The following ZNF407 variants were observed in gnomAD, a reference collection of about 807,000 sequenced individuals.
ZNF407 encodes the protein zinc finger protein 407.
ZNF407 carries 17 observed loss-of-function variants against 131.2 expected under a neutral mutation model. The observed-to-expected ratio is 0.13, with a 90% CI of 0.09 to 0.19. The LOEUF (loss-of-function observed/expected upper bound fraction) is 0.19, where lower values mean the gene tolerates loss of function less well. Ranked by LOEUF, ZNF407 falls within the 10% of genes least tolerant of loss-of-function variation. The probability of loss-of-function intolerance (pLI) is 1.00; values close to 1 mark genes in which losing one functional copy is unlikely to be tolerated. For missense variants in ZNF407, 2,681 were observed against 2,830.6 expected (o/e 0.95, Z 1.20); for synonymous variants, 1,156 against 1,062.0 (o/e 1.09, Z -1.72).
Position 74,920,706 on chromosome 18 carries a change from A to G in ZNF407, c.5428+14A>G, listed in dbSNP as rs1310753170. The G allele has an allele frequency of 6.3e-7, 1 of 1,583,532 alleles. No individual in the cohort carries two copies. Among genetic ancestry groups the G allele is most frequent in the East Asian group, 2.3e-5 (1 of 44,062 alleles). On this transcript the variant is annotated intron_variant, in intron 8 of 8. Coordinates refer to ENST00000299687, the MANE Select transcript of ZNF407 (RefSeq NM_017757.3). ...ACCTGCATGCTGGTAAGGGACAGAA[A>G]CTGTGAAAACTTGTTTCTAACAGGA...
chr18:74,957,402 G>A lies in ZNF407; in HGVS notation c.5428+36710G>A, dbSNP rs1034168819. On this transcript the variant is annotated intron_variant, in intron 8 of 8. Transcript: ENST00000299687. ...GCATTTTTTAATTACGTTAACTTAC[G>A]GGGTTTTTTGGAATAATTCACTCTC... Among the ~76,000 whole-genome samples the A allele has an allele frequency of 2.6e-4, 40 of 151,968 alleles. 1 individual carries two copies. The highest frequency in any genetic ancestry group is 8.9e-4 in the African/African-American group (37 of 41,462).
intron 1 of ZNF407, among the ~76,000 whole-genome samples, chr18:74,623,047 T>C (rs1983608053): frequency 6.6e-6 from 1 of 151,252 alleles, no homozygotes; most frequent in African/African-American, 2.4e-5. Context: ...TGTGTGTGAA[T>C]GAGTGCATGT....
intron 7 of ZNF407, among the ~76,000 whole-genome samples, chr18:74,895,620 A>G (rs573605535): frequency 2.0e-5 from 3 of 152,308 alleles, no homozygotes; most frequent in East Asian, 1.9e-4. Flanking sequence ...TTAAACATAT[A>G]TTTATCTAAA....
intron 4 of ZNF407, among the ~76,000 whole-genome samples, chr18:74,815,675 C>G (rs538733155): frequency 6.6e-6 from 1 of 152,260 alleles, no homozygotes; most frequent in East Asian, 1.9e-4. Flanking sequence ...GCTTCAGTAA[C>G]TTGCCTGAGT....
At chr18:74,959,647 A>T (rs1008184284) in intron 8 of ZNF407, among the ~76,000 whole-genome samples, 15 of 152,188 alleles carry the variant, frequency 9.9e-5, no homozygotes, top group African/African-American at 3.6e-4. Flanking sequence ...TGCCTTTGTT[A>T]TCCTTCCAGG....
chr18:74,731,203 A>G (rs1227176999), intron 3 of ZNF407, among the ~76,000 whole-genome samples: 3 of 152,218 alleles, frequency 2.0e-5, no homozygotes, highest in Non-Finnish European at 4.4e-5. Context: ...GAGTCAGTGT[A>G]AGTGGAACTG....
chr18:74,732,973 G>A (rs1409713231), intron 3 of ZNF407, among the ~76,000 whole-genome samples: 1 of 152,022 alleles, frequency 6.6e-6, no homozygotes, highest in Admixed American at 6.6e-5. Context: ...TCTAAACATT[G>A]AAGCAGTCTA....
chr18:74,819,517 C>G (rs1220696622), intron 4 of ZNF407, among the ~76,000 whole-genome samples: 3 of 152,162 alleles, frequency 2.0e-5, no homozygotes, highest in Non-Finnish European at 4.4e-5. Context: ...TTCTAATGGG[C>G]TTTCCTGGGC....
intron 3 of ZNF407, among the ~76,000 whole-genome samples, chr18:74,757,950 G>A (rs781670492): frequency 6.6e-6 from 1 of 152,096 alleles, no homozygotes; most frequent in Non-Finnish European, 1.5e-5. Context: ...TATAGCCGCT[G>A]CGGCTTTCTT....
intron 4 of ZNF407, among the ~76,000 whole-genome samples, chr18:74,838,195 A>G (rs891261207): frequency 1.3e-5 from 2 of 152,044 alleles, no homozygotes; most frequent in Middle Eastern, 3.2e-3. Context: ...TTCCATTTCT[A>G]TGCTTTTCCA....
intron 1 of ZNF407, among the ~76,000 whole-genome samples, chr18:74,606,679 G>A (rs1982823812): frequency 6.6e-6 from 1 of 152,152 alleles, no homozygotes; most frequent in Admixed American, 6.5e-5. Flanking sequence ...GCACACCTGA[G>A]GAGACATTTG....
At chr18:74,866,250 C>T (rs1971008560) in intron 4 of ZNF407, among the ~76,000 whole-genome samples, 1 of 152,190 alleles carries the variant, frequency 6.6e-6, no homozygotes, top group African/African-American at 2.4e-5. Context: ...AAGATATTTA[C>T]TCTAGAAGTG....
chr18:74,697,672 A>G, intron 3 of ZNF407, among the ~76,000 whole-genome samples: 1 of 152,170 alleles, frequency 6.6e-6, no homozygotes, highest in East Asian at 1.9e-4. Flanking sequence ...TTAAGCAGAA[A>G]GCACATCTTG....
intron 8 of ZNF407, among the ~76,000 whole-genome samples, chr18:74,980,678 A>G (rs1015925514): frequency 3.9e-5 from 6 of 152,168 alleles, no homozygotes; most frequent in African/African-American, 1.4e-4. Flanking sequence ...CTCTATGAGG[A>G]TGATAGTTTC....
intron 5 of ZNF407, among the ~76,000 whole-genome samples, chr18:74,878,508 G>T (rs1971190946): frequency 6.6e-6 from 1 of 152,156 alleles, no homozygotes; most frequent in African/African-American, 2.4e-5. Flanking sequence ...AGCCAGTGCA[G>T]ATGTAATTTA....
chr18:74,705,290 G>A (rs1047984494), intron 3 of ZNF407, among the ~76,000 whole-genome samples: 2 of 152,042 alleles, frequency 1.3e-5, no homozygotes, highest in African/African-American at 4.8e-5. Context: ...GAGATTCTGA[G>A]GCTGCCTGTG....
At chr18:74,939,038 G>A (rs1355198513) in intron 8 of ZNF407, among the ~76,000 whole-genome samples, 2 of 152,204 alleles carry the variant, frequency 1.3e-5, no homozygotes, top group Non-Finnish European at 2.9e-5. Context: ...TCTAAGGTGT[G>A]AGGCGACCTT....
At chr18:74,671,084 A>G (rs1178808130) in intron 3 of ZNF407, among the ~76,000 whole-genome samples, 5 of 152,154 alleles carry the variant, frequency 3.3e-5, no homozygotes, top group Non-Finnish European at 7.3e-5. Context: ...TCTGTACCCG[A>G]TAAGCCCTGA....
At chr18:74,884,466 A>C (rs190992918) in intron 6 of ZNF407, among the ~76,000 whole-genome samples, 1 of 152,320 alleles carries the variant, frequency 6.6e-6, no homozygotes, top group Non-Finnish European at 1.5e-5. Flanking sequence ...CATGGACTTA[A>C]GCTATCAAGA....
Sources: gnomAD v4.1 joint callset for allele counts (sites outside exome capture counted in the v4.1 genomes callset) on GRCh38, gnomAD v4.1.1 for gene constraint, MANE v1.5 for transcripts, NCBI Gene and HGNC (gene_info 2026-07-23, HGNC 2026-07-21) for gene names.